The following EPHA6 variants were observed in gnomAD, a reference collection of about 807,000 sequenced individuals.
EPHA6 encodes the protein ephrin type-A receptor 6.
A neutral mutation model predicts 112.0 loss-of-function variants in EPHA6; 50 were observed. That is an observed-to-expected ratio of 0.45 (90% CI 0.36 to 0.56). The LOEUF (loss-of-function observed/expected upper bound fraction) is 0.56, where lower values mean the gene tolerates loss of function less well. EPHA6 is among the 20% of genes least tolerant of loss of function. EPHA6 has a pLI of 0.00. For synonymous variants in EPHA6, 529 were observed against 490.7 expected (o/e 1.08, Z -1.03); for missense variants, 1,280 against 1,417.4 (o/e 0.90, Z 1.56).
chr3:97,667,085 T>C (rs981174139), intron 14 of EPHA6, among the ~76,000 whole-genome samples: 1 of 152,210 alleles, frequency 6.6e-6, no homozygotes, highest in Non-Finnish European at 1.5e-5. Context: ...GTTTCCCTAA[T>C]GGGTTCTTTT....
At chr3:96,869,579 C>A (rs948586805) in intron 2 of EPHA6, among the ~76,000 whole-genome samples, 4 of 151,944 alleles carry the variant, frequency 2.6e-5, no homozygotes, top group African/African-American at 9.7e-5. Flanking sequence ...GAAATAGGAC[C>A]TGTAATCATA....
intron 3 of EPHA6, among the ~76,000 whole-genome samples, chr3:97,194,391 G>T (rs186427995): frequency 3.4e-4 from 52 of 151,230 alleles, no homozygotes; most frequent in African/African-American, 1.1e-3. Context: ...TGTTCCTCTG[G>T]TTGTTGATTC....
At chr3:97,210,199 G>T (rs2077829855) in intron 3 of EPHA6, among the ~76,000 whole-genome samples, 1 of 152,110 alleles carries the variant, frequency 6.6e-6, no homozygotes, top group Non-Finnish European at 1.5e-5. Flanking sequence ...CAGAGAATGG[G>T]TAATTTATAA....
At chr3:97,492,241 G>C (rs921587456) in intron 10 of EPHA6, among the ~76,000 whole-genome samples, 3 of 151,922 alleles carry the variant, frequency 2.0e-5, no homozygotes, top group Non-Finnish European at 4.4e-5. Flanking sequence ...GTATTAAAAG[G>C]CTTACAAAAA....
At chr3:97,445,939 G>C (rs749084482) in intron 6 of EPHA6, among the ~76,000 whole-genome samples, 31 of 152,132 alleles carry the variant, frequency 2.0e-4, no homozygotes, top group Non-Finnish European at 3.4e-4. Flanking sequence ...CTCCAGAAAA[G>C]CACGCCAACA....
chr3:97,226,227 A>G, intron 3 of EPHA6, 37 bp from the exon 4 acceptor site: 1 of 1,553,198 alleles, frequency 6.4e-7, no homozygotes, highest in Non-Finnish European at 8.7e-7. Flanking sequence ...AATCCTAGCA[A>G]TAATAACTAA....
At chr3:97,630,108 A>C (rs1390190038) in intron 13 of EPHA6, among the ~76,000 whole-genome samples, 4 of 151,892 alleles carry the variant, frequency 2.6e-5, no homozygotes, top group Admixed American at 2.6e-4. Context: ...ATCCATATCT[A>C]CTTATGTTCT....
intron 3 of EPHA6, among the ~76,000 whole-genome samples, chr3:97,127,552 C>A (rs1055963173): frequency 6.6e-6 from 1 of 152,024 alleles, no homozygotes; most frequent in Non-Finnish European, 1.5e-5. Context: ...GAAACCCCGT[C>A]TCTACTAAAA....
intron 7 of EPHA6, among the ~76,000 whole-genome samples, chr3:97,462,529 T>A (rs1028769715): frequency 4.6e-5 from 7 of 152,264 alleles, no homozygotes; most frequent in Non-Finnish European, 8.8e-5. Flanking sequence ...ACAAATTTTT[T>A]AAAATTAAAA....
At chr3:97,600,315 T>C (rs1485232260) in intron 12 of EPHA6, among the ~76,000 whole-genome samples, 3 of 149,276 alleles carry the variant, frequency 2.0e-5, no homozygotes, top group African/African-American at 2.5e-5. Context: ...TGAATAGGAG[T>C]GGTGAGAGAG....
At chr3:97,374,903 T>C (rs2085261725) in intron 5 of EPHA6, among the ~76,000 whole-genome samples, 1 of 152,178 alleles carries the variant, frequency 6.6e-6, no homozygotes, top group South Asian at 2.1e-4. Context: ...ATACAATTTC[T>C]GGTTGGGGTT....
At chr3:96,842,170 C>T (rs558061599) in intron 1 of EPHA6, among the ~76,000 whole-genome samples, 9 of 152,050 alleles carry the variant, frequency 5.9e-5, no homozygotes, top group Non-Finnish European at 1.2e-4. Flanking sequence ...CTGAGTTCGC[C>T]GGTATGAAAA....
chr3:97,290,712 G>C (rs1339948648), intron 5 of EPHA6, among the ~76,000 whole-genome samples: 24 of 151,794 alleles, frequency 1.6e-4, no homozygotes, highest in Admixed American at 1.5e-3. Flanking sequence ...TATTTCTGAG[G>C]TCTCAGTTGT....
At chr3:97,650,856 CAAAA>C (rs11377339) in intron 14 of EPHA6, among the ~76,000 whole-genome samples, 3 of 96,050 alleles carry the variant, frequency 3.1e-5, no homozygotes, top group Non-Finnish European at 4.1e-5. Context: ...GACTCCATCT[CAAAA>C]AAAAAAAAAA....
chr3:96,903,669 C>G (rs1474616350), intron 2 of EPHA6, among the ~76,000 whole-genome samples: 4 of 152,036 alleles, frequency 2.6e-5, no homozygotes, highest in Non-Finnish European at 5.9e-5. Flanking sequence ...GCAATCTAGG[C>G]AACCTACGGA....
chr3:96,985,471 A>G (rs944979027), intron 2 of EPHA6, among the ~76,000 whole-genome samples: 6 of 152,102 alleles, frequency 3.9e-5, no homozygotes, highest in Non-Finnish European at 5.9e-5. Flanking sequence ...TGTGGTTCCA[A>G]TGAGCTGTGA....
At chr3:97,017,506 C>A (rs2044304096) in intron 3 of EPHA6, among the ~76,000 whole-genome samples, 1 of 152,070 alleles carries the variant, frequency 6.6e-6, no homozygotes, top group Non-Finnish European at 1.5e-5. Flanking sequence ...TGCTTGGGGG[C>A]CCCAAATAAA....
chr3:97,676,940 G>A (rs2031442490), intron 14 of EPHA6, among the ~76,000 whole-genome samples: 1 of 152,142 alleles, frequency 6.6e-6, no homozygotes, highest in Non-Finnish European at 1.5e-5. Flanking sequence ...GGGAAAATAA[G>A]TGATCTAGGA....
Position 97,207,500 on chromosome 3 carries a change from C to T in EPHA6, c.1115-18764C>T, listed in dbSNP as rs143548789. Among the ~76,000 whole-genome samples the T allele has an allele frequency of 1.2e-3, 178 of 152,184 alleles. 1 individual carries two copies. The highest frequency in any genetic ancestry group is 0.011 in the South Asian group (54 of 4,818). On this transcript the variant is annotated intron_variant, in intron 3 of 17. Coordinates refer to ENST00000389672, the MANE Select transcript of EPHA6 (RefSeq NM_001080448.3). ...GAGACAAGTTTGTGTATGTTGATAA[C>T]GCATTTGTCTGGTCCAGTAGATTAT...
Sources: gnomAD v4.1 joint callset for allele counts (sites outside exome capture counted in the v4.1 genomes callset) on GRCh38, gnomAD v4.1.1 for gene constraint, MANE v1.5 for transcripts, NCBI Gene and HGNC (gene_info 2026-07-23, HGNC 2026-07-21) for gene names.